CNTNAP2: variants seen among roughly 807,000 people sequenced by gnomAD.
CNTNAP2 encodes contactin associated protein 2.
Under a neutral mutation model 155.2 loss-of-function variants are expected in CNTNAP2, and 98 were observed. The observed-to-expected ratio is 0.63, with a 90% CI of 0.54 to 0.75. The LOEUF (loss-of-function observed/expected upper bound fraction) is 0.75. Among genes scored for constraint, CNTNAP2 ranks in the 30% least tolerant of loss-of-function variants. The probability of loss-of-function intolerance (pLI) is 0.00; values close to 1 mark genes in which losing one functional copy is unlikely to be tolerated. For missense variants in CNTNAP2, 1,727 were observed against 1,688.1 expected (o/e 1.02, Z -0.40); for synonymous variants, 651 against 631.2 (o/e 1.03, Z -0.47).
chr7:146,552,238 A>T (rs981361455), intron 1 of CNTNAP2, among the ~76,000 whole-genome samples: 3 of 152,146 alleles, frequency 2.0e-5, no homozygotes, highest in African/African-American at 4.8e-5. Context: ...GAAAAATATT[A>T]TAATAAAGTT....
chr7:147,988,602 AC>A (rs57945038), intron 15 of CNTNAP2, among the ~76,000 whole-genome samples: 10,123 of 152,152 alleles, frequency 0.067, 751 homozygotes, highest in African/African-American at 0.19. Context: ...TTAAAAAAAA[AC>A]AATCAGAGTT....
At chr7:146,546,142 G>A (rs1798026375) in intron 1 of CNTNAP2, among the ~76,000 whole-genome samples, 1 of 151,894 alleles carries the variant, frequency 6.6e-6, no homozygotes, top group Admixed American at 6.6e-5. Flanking sequence ...AAGTTGAAAA[G>A]TTTGAGGCCA....
chr7:147,105,996 G>A (rs1475271303), intron 4 of CNTNAP2, among the ~76,000 whole-genome samples: 1 of 151,974 alleles, frequency 6.6e-6, no homozygotes, highest in African/African-American at 2.4e-5. Context: ...AAGTAAGACA[G>A]GAATGCATTA....
intron 10 of CNTNAP2, among the ~76,000 whole-genome samples, chr7:147,459,459 G>A (rs1360842023): frequency 2.0e-5 from 3 of 152,134 alleles, no homozygotes; most frequent in Non-Finnish European, 4.4e-5. Flanking sequence ...AGACTTTGCA[G>A]ATGTGACTAA....
chr7:147,390,115 G>C (rs1796684710), intron 9 of CNTNAP2, among the ~76,000 whole-genome samples: 1 of 152,068 alleles, frequency 6.6e-6, no homozygotes, highest in Non-Finnish European at 1.5e-5. Context: ...TAAATAATAG[G>C]TTCTCCTCTG....
chr7:147,551,769 G>T (rs1422540998), intron 11 of CNTNAP2, among the ~76,000 whole-genome samples: 1 of 152,044 alleles, frequency 6.6e-6, no homozygotes, highest in African/African-American at 2.4e-5. Context: ...TGTATTCATC[G>T]ATGGGTGTTC....
intron 15 of CNTNAP2, among the ~76,000 whole-genome samples, chr7:148,065,030 C>T (rs772082222): frequency 1.6e-4 from 24 of 152,126 alleles, no homozygotes; most frequent in Non-Finnish European, 2.4e-4. Flanking sequence ...TAATTTCCAT[C>T]TTGATTTCAT....
intron 1 of CNTNAP2, among the ~76,000 whole-genome samples, chr7:146,505,719 C>A (rs1216381981): frequency 1.3e-5 from 2 of 152,144 alleles, no homozygotes; most frequent in African/African-American, 4.8e-5. Flanking sequence ...TTTTTTGTTC[C>A]CCTGCCTTTA....
intron 13 of CNTNAP2, among the ~76,000 whole-genome samples, chr7:147,755,699 C>T (rs949340163): frequency 5.3e-5 from 8 of 152,084 alleles, no homozygotes; most frequent in African/African-American, 1.7e-4. Flanking sequence ...AGTAGTATTA[C>T]GGTTAAAGCC....
intron 14 of CNTNAP2, among the ~76,000 whole-genome samples, chr7:147,959,422 A>G (rs1260444150): frequency 6.6e-6 from 1 of 152,108 alleles, no homozygotes; most frequent in African/African-American, 2.4e-5. Flanking sequence ...GGCTTAGCCC[A>G]TGAGGGTTCT....
intron 21 of CNTNAP2, among the ~76,000 whole-genome samples, chr7:148,304,937 C>T (rs1303307449): frequency 1.3e-5 from 2 of 151,430 alleles, no homozygotes; most frequent in Non-Finnish European, 2.9e-5. Flanking sequence ...TGTTTCCAGC[C>T]AGGCATGGTG....
chr7:146,954,041 C>T (rs1797382396), intron 3 of CNTNAP2, among the ~76,000 whole-genome samples: 2 of 151,866 alleles, frequency 1.3e-5, no homozygotes, highest in African/African-American at 4.8e-5. Context: ...ATAAGATTTT[C>T]AGATAAAAGC....
At chr7:147,969,741 C>G (rs1422056194) in intron 14 of CNTNAP2, among the ~76,000 whole-genome samples, 1 of 152,010 alleles carries the variant, frequency 6.6e-6, no homozygotes, top group African/African-American at 2.4e-5. Flanking sequence ...CAAAAACTAA[C>G]TTTGGCTTGA....
In CNTNAP2 at chr7:146,176,474, A is replaced by G. The variant is rs143785846; in HGVS notation, c.97+59501A>G. The stretch of plus-strand genomic sequence containing the variant: ...TCATTTTTTATTGAAATAAAAATTG[A>G]CAGAGAATTTGGACATCCTTTGGAA... On this transcript the variant is annotated intron_variant, in intron 1 of 23. Transcript: ENST00000361727. Among the ~76,000 whole-genome samples the G allele has an allele frequency of 1.4e-3, 218 of 152,306 alleles. 1 individual carries two copies. The highest frequency in any genetic ancestry group is 5.1e-3 in the African/African-American group (212 of 41,568).
rs193178823 is a variant in CNTNAP2 at position 146,976,787 on chromosome 7, T to A, written c.403-67120T>A. Among the ~76,000 whole-genome samples, 9 of 152,282 alleles carry A rather than the reference T, an allele frequency of 5.9e-5. No individual in the cohort carries two copies. In the East Asian group the frequency reaches 1.7e-3, roughly 30 times the overall value. On this transcript the variant is annotated intron_variant, in intron 3 of 23. Transcript: ENST00000361727. ...AGGGTAAGGTATAGTCCTCATAGAC[T>A]GGGTAGCGAAACCCGGCAAAGCCTG...
At chr7:146,382,716 A>C (rs995896298) in intron 1 of CNTNAP2, among the ~76,000 whole-genome samples, 1 of 152,186 alleles carries the variant, frequency 6.6e-6, no homozygotes, top group Non-Finnish European at 1.5e-5. Flanking sequence ...TCCAATCTCC[A>C]TATCAGGATC....
intron 13 of CNTNAP2, among the ~76,000 whole-genome samples, chr7:147,871,543 C>T (rs949752386): frequency 6.6e-6 from 1 of 152,222 alleles, no homozygotes; most frequent in African/African-American, 2.4e-5. Flanking sequence ...CAGTTGCCCT[C>T]ATTGGGGTAT....
intron 13 of CNTNAP2, among the ~76,000 whole-genome samples, chr7:147,658,616 A>T (rs1266057586): frequency 1.3e-5 from 2 of 152,148 alleles, no homozygotes; most frequent in Non-Finnish European, 2.9e-5. Flanking sequence ...GGGCTACCAG[A>T]TGGGAAGCCA....
At chr7:146,364,446 A>AT (rs1330285610) in intron 1 of CNTNAP2, among the ~76,000 whole-genome samples, 2 of 152,044 alleles carry the variant, frequency 1.3e-5, no homozygotes, top group South Asian at 2.1e-4. Context: ...GTACTTATCT[A>AT]TTTTTTTCAA....
Sources: allele counts gnomAD v4.1 joint callset (sites outside exome capture counted in the v4.1 genomes callset), GRCh38; gene constraint gnomAD v4.1.1; transcripts MANE v1.5; gene names NCBI Gene and HGNC (gene_info 2026-07-23, HGNC 2026-07-21).